The following PRTFDC1 variants were observed in gnomAD, a reference collection of about 807,000 sequenced individuals.
PRTFDC1 encodes the protein phosphoribosyl transferase domain containing 1, also known as phosphoribosyltransferase domain-containing protein 1.
In PRTFDC1, 38 loss-of-function variants were observed where a neutral mutation model predicts 34.6. The observed-to-expected ratio is 1.10, with a 90% CI of 0.85 to 1.44. PRTFDC1 has a LOEUF of 1.44. Ranked by LOEUF, PRTFDC1 falls within the 40% of genes most tolerant of loss-of-function variation. PRTFDC1 has a pLI of 0.00. For synonymous variants in PRTFDC1, 93 were observed against 98.1 expected (o/e 0.95, Z 0.31); for missense variants, 270 against 283.0 (o/e 0.95, Z 0.33).
intron 1 of PRTFDC1, chr10:24,951,593 A>G (rs1849346254): frequency 3.0e-6 from 3 of 985,312 alleles, no homozygotes; most frequent in Non-Finnish European, 1.2e-6. Flanking sequence ...TTATCTGTGA[A>G]TGACAAGCTG....
At chr10:24,863,040 C>A (rs1847708664) in intron 4 of PRTFDC1, among the ~76,000 whole-genome samples, 1 of 151,604 alleles carries the variant, frequency 6.6e-6, no homozygotes, top group Non-Finnish European at 1.5e-5. Flanking sequence ...GGATGCCCAG[C>A]TAATTTTTTT....
chr10:24,929,383 C>A (rs558503276), intron 3 of PRTFDC1, among the ~76,000 whole-genome samples: 4 of 152,130 alleles, frequency 2.6e-5, no homozygotes, highest in Non-Finnish European at 5.9e-5. Flanking sequence ...GGGCCCACAT[C>A]CCCTGTGTGG....
At chr10:24,892,922 A>T (rs1330671483) in intron 3 of PRTFDC1, among the ~76,000 whole-genome samples, 1 of 152,074 alleles carries the variant, frequency 6.6e-6, no homozygotes, top group Non-Finnish European at 1.5e-5. Flanking sequence ...GATTTTTATC[A>T]CTCCAGTTTA....
intron 3 of PRTFDC1, among the ~76,000 whole-genome samples, chr10:24,900,709 A>G (rs771734353): frequency 6.6e-6 from 1 of 152,224 alleles, no homozygotes; most frequent in African/African-American, 2.4e-5. Context: ...ACAAATCTAT[A>G]TAATATTGTT....
At chr10:24,919,897 G>T (rs974535602) in intron 3 of PRTFDC1, among the ~76,000 whole-genome samples, 1 of 152,164 alleles carries the variant, frequency 6.6e-6, no homozygotes, top group Non-Finnish European at 1.5e-5. Context: ...AATCATTAGA[G>T]AAATGCAAAT....
At chr10:24,899,863 A>G (rs549732442) in intron 3 of PRTFDC1, among the ~76,000 whole-genome samples, 9 of 152,206 alleles carry the variant, frequency 5.9e-5, no homozygotes, top group Admixed American at 6.5e-5. Context: ...TTGAACAATA[A>G]TGCTGCTTTT....
chr10:24,924,344 A>G (rs1174997648), intron 3 of PRTFDC1, among the ~76,000 whole-genome samples: 1 of 152,220 alleles, frequency 6.6e-6, no homozygotes, highest in Non-Finnish European at 1.5e-5. Context: ...CCCAAGACAC[A>G]TAATTGTCAG....
intron 3 of PRTFDC1, among the ~76,000 whole-genome samples, chr10:24,920,324 T>C (rs1003029354): frequency 1.4e-4 from 22 of 151,950 alleles, no homozygotes; most frequent in Non-Finnish European, 3.2e-4. Flanking sequence ...TGTGTATATA[T>C]ATATATACCA....
chr10:24,870,554 C>T (rs1304767117), intron 4 of PRTFDC1, among the ~76,000 whole-genome samples: 5 of 152,102 alleles, frequency 3.3e-5, no homozygotes, highest in African/African-American at 9.7e-5. Context: ...GCTAAAATGA[C>T]GTATTAGCTA....
rs1004111844 is a variant in PRTFDC1, at chr10:24,848,700, A to G, written c.*1144T>C. 6.6e-6 allele frequency: 1 copy of G among 152,252 alleles called. No individual in the cohort carries two copies. Among genetic ancestry groups the G allele is most frequent in the Non-Finnish European group, 1.5e-5 (1 of 68,046 alleles). The allele number at this position is 152,252 out of a possible 1,614,324, so 9.4% of individuals were successfully genotyped here. ...TACGCCACATACGGTTCAGAACCAA[A>G]CAAAAGCTGCTTAGTTATTTATTTT... On this transcript the variant is annotated 3_prime_UTR_variant, in exon 9 of 9. Transcript: ENST00000320152.
chr10:24,887,260 G>A (rs1017507720), intron 3 of PRTFDC1, among the ~76,000 whole-genome samples: 8 of 152,136 alleles, frequency 5.3e-5, no homozygotes, highest in South Asian at 2.1e-4. Flanking sequence ...GTGAGCCACC[G>A]CGCCCGGCCG....
At chr10:24,936,142 G>C (rs1849046891) in intron 3 of PRTFDC1, among the ~76,000 whole-genome samples, 1 of 152,222 alleles carries the variant, frequency 6.6e-6, no homozygotes. Context: ...AGTTAGTTTA[G>C]TCAACGAGAA....
intron 3 of PRTFDC1, among the ~76,000 whole-genome samples, chr10:24,903,192 G>A (rs1450154551): frequency 6.6e-6 from 1 of 152,162 alleles, no homozygotes; most frequent in Non-Finnish European, 1.5e-5. Flanking sequence ...GGTGACAGGA[G>A]TGAAACTGCA....
intron 1 of PRTFDC1, among the ~76,000 whole-genome samples, chr10:24,951,174 A>G (rs1374701221): frequency 6.6e-6 from 1 of 152,058 alleles, no homozygotes; most frequent in African/African-American, 2.4e-5. Context: ...TCTTGGCTCA[A>G]AGGTCACCGC....
At chr10:24,873,156 A>G (rs1430649895) in intron 3 of PRTFDC1, among the ~76,000 whole-genome samples, 1 of 152,066 alleles carries the variant, frequency 6.6e-6, no homozygotes, top group African/African-American at 2.4e-5. Flanking sequence ...CTTTTCATTC[A>G]AATCCTGTTA....
chr10:24,868,998 G>A (rs769574407), intron 4 of PRTFDC1, among the ~76,000 whole-genome samples: 6 of 152,180 alleles, frequency 3.9e-5, no homozygotes, highest in Non-Finnish European at 7.3e-5. Flanking sequence ...GGTATTTGGG[G>A]TAGCCATTGC....
chr10:24,874,790 T>C (rs2132515959), intron 3 of PRTFDC1, among the ~76,000 whole-genome samples: 1 of 152,310 alleles, frequency 6.6e-6, no homozygotes, highest in South Asian at 2.1e-4. Context: ...TTAGGCTGTG[T>C]CCCCACCAAA....
intron 3 of PRTFDC1, among the ~76,000 whole-genome samples, chr10:24,919,917 A>C (rs1848756730): frequency 1.3e-5 from 2 of 152,320 alleles, no homozygotes; most frequent in South Asian, 4.1e-4. Context: ...TCAAGACCAC[A>C]ATGAGATACC....
rs552586543 is a variant in PRTFDC1, at chr10:24,856,713, A to C, written c.506+200T>G. Among the ~76,000 whole-genome samples, 4 of 152,036 alleles carry C rather than the reference A, an allele frequency of 2.6e-5. No homozygotes were observed. The South Asian group carries it at 8.3e-4, about 32-fold the overall frequency. On this transcript the variant is annotated intron_variant, in intron 6 of 8. Transcript: ENST00000320152. ...GTAAAGAGGAACTCAGAAACACGGC[A>C]AAGCACGTCTTCTTCCCTTACTTCT...
Sources: gnomAD v4.1 joint callset for allele counts (sites outside exome capture counted in the v4.1 genomes callset) on GRCh38, gnomAD v4.1.1 for gene constraint, MANE v1.5 for transcripts, NCBI Gene and HGNC (gene_info 2026-07-23, HGNC 2026-07-21) for gene names.